The following KREMEN1 variants were observed in gnomAD, a reference collection of about 807,000 sequenced individuals.
KREMEN1 encodes the protein kremen protein 1.
A neutral mutation model predicts 46.5 loss-of-function variants in KREMEN1; 30 were observed. That is an observed-to-expected ratio of 0.65 (90% CI 0.48 to 0.88). KREMEN1 has a LOEUF of 0.88. KREMEN1 is among the 40% of genes least tolerant of loss of function. The pLI is 0.00. For missense variants in KREMEN1, 533 were observed against 596.9 expected, an observed-to-expected ratio of 0.89 and a Z score of 1.11; for synonymous variants, 214 against 230.6, an observed-to-expected ratio of 0.93 and a Z score of 0.65.
chr22:29,145,310 G>A lies in KREMEN1; in HGVS notation c.*3198G>A, dbSNP rs186616475. On this transcript the variant is annotated 3_prime_UTR_variant, in exon 9 of 9. Transcript: ENST00000400335. Reference sequence around the variant, plus strand: ...CTGGGAAAGTCAGTCAGAACCCATGGCAGAAGACTGCAGGAGAGGCAGGGG... The same window carrying A: ...CTGGGAAAGTCAGTCAGAACCCATGACAGAAGACTGCAGGAGAGGCAGGGG... 5,278 of 985,690 alleles carry A rather than the reference G, an allele frequency of 5.4e-3. 27 individuals are homozygous for A. Among genetic ancestry groups the A allele is most frequent in the Non-Finnish European group, 5.8e-3 (4,819 of 830,108 alleles). The allele number at this position is 985,690 out of a possible 1,614,324, so 61.1% of individuals were successfully genotyped here.
chr22:29,154,042 TAAG>T (rs1377923535), intron 9 of KREMEN1, among the ~76,000 whole-genome samples: 5 of 151,436 alleles, frequency 3.3e-5, no homozygotes, highest in Non-Finnish European at 7.4e-5. Context: ...TTAAATGAAA[TAAG>T]AAAGGTACAA....
At chr22:29,108,598 G>A (rs551995870) in intron 3 of KREMEN1, among the ~76,000 whole-genome samples, 9 of 152,192 alleles carry the variant, frequency 5.9e-5, no homozygotes, top group Non-Finnish European at 1.3e-4. Context: ...TCTCCCCAGG[G>A]AATGGACTAC....
At chr22:29,132,769 C>T (rs188623664) in intron 5 of KREMEN1, among the ~76,000 whole-genome samples, 12 of 152,316 alleles carry the variant, frequency 7.9e-5, no homozygotes, top group African/African-American at 2.6e-4. Context: ...AGCTTTATTT[C>T]ACCTGCATTT....
intron 1 of KREMEN1, among the ~76,000 whole-genome samples, chr22:29,080,941 C>CTTCT (rs134612): frequency 0.18 from 19,879 of 112,188 alleles, 2,825 homozygotes; most frequent in South Asian, 0.41. Context: ...TTTTTTTGTC[C>CTTCT]TTTTTTTTTT....
intron 4 of KREMEN1, among the ~76,000 whole-genome samples, chr22:29,124,690 A>G (rs1323591132): frequency 1.3e-5 from 2 of 152,028 alleles, no homozygotes; most frequent in African/African-American, 4.8e-5. Context: ...ACGGGGTTTC[A>G]CTTTGTTGGC....
At chr22:29,105,215 C>G (rs1302484067) in intron 3 of KREMEN1, among the ~76,000 whole-genome samples, 1 of 152,050 alleles carries the variant, frequency 6.6e-6, no homozygotes, top group Non-Finnish European at 1.5e-5. Flanking sequence ...AGAGTGGGGT[C>G]TTGTTTAGGG....
intron 9 of KREMEN1, among the ~76,000 whole-genome samples, chr22:29,165,709 G>T (rs2039047445): frequency 6.6e-6 from 1 of 152,210 alleles, no homozygotes; most frequent in Non-Finnish European, 1.5e-5. Flanking sequence ...GGCTATGTTG[G>T]AGCTCTATGG....
At chr22:29,084,659 T>G (rs1054201651) in intron 1 of KREMEN1, among the ~76,000 whole-genome samples, 3 of 152,220 alleles carry the variant, frequency 2.0e-5, no homozygotes, top group African/African-American at 7.2e-5. Context: ...TGAATTTTTA[T>G]TTAACAAATA....
At chr22:29,129,362 A>G (rs2038498430) in intron 5 of KREMEN1, among the ~76,000 whole-genome samples, 1 of 151,924 alleles carries the variant, frequency 6.6e-6, no homozygotes. Context: ...AAAAAGGTCC[A>G]TCTAGTAGAG....
At chr22:29,150,537 C>T (rs1193855969), downstream of KREMEN1, among the ~76,000 whole-genome samples, 1 of 152,236 alleles carries the variant, frequency 6.6e-6, no homozygotes, top group African/African-American at 2.4e-5. Context: ...AGCATTGTCT[C>T]TGTTCAAATG....
intron 1 of KREMEN1, among the ~76,000 whole-genome samples, chr22:29,079,618 G>A (rs1394397106): frequency 6.6e-6 from 1 of 152,212 alleles, no homozygotes; most frequent in African/African-American, 2.4e-5. Flanking sequence ...TAGATTCTTG[G>A]TTAGAACCAG....
rs2037497449 is a variant in KREMEN1, at chr22:29,073,148, C to T, written c.18C>T (p.Ala6=). ...GACGGCCCATGGCGCCGCCAGCCGC[C>T]CGCCTCGCCCTGCTCTCCGCCGCGG... The part of the protein sequence containing the change: MAPPA[A]RLALLSAAAL... Residue 6 remains alanine (A), a synonymous_variant, in exon 1 of 9, where the codon GCC becomes GCT. Transcript: ENST00000400335. The surrounding 1 kb of genome is among the most constrained non-coding windows in gnomAD (Gnocchi z 4.4). The T allele has an allele frequency of 9.0e-7, 1 of 1,116,604 alleles. No individual in the cohort carries two copies. The highest frequency in any genetic ancestry group is 1.1e-6 in the Non-Finnish European group (1 of 917,786). 69.2% of individuals were successfully genotyped at this position (1,116,604 alleles called of 1,614,324 possible).
chr22:29,127,799 C>T (rs868364520), intron 5 of KREMEN1, among the ~76,000 whole-genome samples: 1 of 152,114 alleles, frequency 6.6e-6, no homozygotes, highest in African/African-American at 2.4e-5. Flanking sequence ...TTCCTAGCAA[C>T]ATTATTCATA....
exon 10 of KREMEN1, chr22:29,167,511 T>C (rs1273718049): frequency 5.7e-6 from 1 of 176,538 alleles, no homozygotes; most frequent in African/African-American, 2.4e-5. Flanking sequence ...TGTCCTCTCG[T>C]GGAAACAGCA....
At chr22:29,094,814 A>G (rs959604987) in intron 2 of KREMEN1, among the ~76,000 whole-genome samples, 11 of 151,992 alleles carry the variant, frequency 7.2e-5, no homozygotes, top group African/African-American at 2.2e-4. Context: ...TAGTAGAGAC[A>G]GGGTTTCAAC....
At chr22:29,088,732 A>G (rs1440660987) in intron 1 of KREMEN1, among the ~76,000 whole-genome samples, 1 of 152,150 alleles carries the variant, frequency 6.6e-6, no homozygotes, top group Non-Finnish European at 1.5e-5. Flanking sequence ...ATTTTTGAAT[A>G]CCTACTATGT....
chr22:29,133,347 T>C (rs1321098091), intron 5 of KREMEN1, among the ~76,000 whole-genome samples: 1 of 151,936 alleles, frequency 6.6e-6, no homozygotes, highest in African/African-American at 2.4e-5. Flanking sequence ...TCACCCAGGC[T>C]AGAGTGCAGT....
intron 3 of KREMEN1, among the ~76,000 whole-genome samples, chr22:29,112,433 A>T (rs2038167729): frequency 6.6e-6 from 1 of 152,206 alleles, no homozygotes; most frequent in Non-Finnish European, 1.5e-5. Flanking sequence ...AGGTGTGTGC[A>T]GTACCTTCAC....
At chr22:29,138,580 G>A (rs1569335032) in intron 6 of KREMEN1, 44 bp from the exon 7 acceptor site, 3 of 1,572,418 alleles carry the variant, frequency 1.9e-6, no homozygotes, top group Admixed American at 1.7e-5. Context: ...ACTCTTTGTT[G>A]TCTCCATAGC....
Sources: allele counts gnomAD v4.1 joint callset (sites outside exome capture counted in the v4.1 genomes callset), GRCh38; gene constraint gnomAD v4.1.1; non-coding constraint Gnocchi (gnomAD v3.1); transcripts MANE v1.5; gene names NCBI Gene and HGNC (gene_info 2026-07-23, HGNC 2026-07-21).